Variants in SIMC1 observed in about 807,000 individuals in gnomAD.
SIMC1 encodes SUMO interacting motifs containing 1, also known as SUMO-interacting motif-containing protein 1.
In SIMC1, 55 loss-of-function variants were observed where a neutral mutation model predicts 82.3. The ratio of observed to expected loss-of-function variants is 0.67; its 90% CI spans 0.54 to 0.84. SIMC1 has a LOEUF of 0.84. SIMC1 is among the 40% of genes least tolerant of loss of function. The pLI is 0.00. For missense variants in SIMC1, 915 were observed against 1,107.2 expected, an observed-to-expected ratio of 0.83 and a Z score of 2.46; for synonymous variants, 353 against 426.3, an observed-to-expected ratio of 0.83 and a Z score of 2.12.
intron 1 of SIMC1, among the ~76,000 whole-genome samples, chr5:176,275,525 G>A (rs2113198716): frequency 6.6e-6 from 1 of 151,978 alleles, no homozygotes; most frequent in Non-Finnish European, 1.5e-5. Flanking sequence ...GAGGAGTGGT[G>A]AGAGAGGGCA....
At chr5:176,282,513 G>A (rs1235876117) in intron 1 of SIMC1, among the ~76,000 whole-genome samples, 5 of 152,314 alleles carry the variant, frequency 3.3e-5, no homozygotes, top group Admixed American at 6.5e-5. Context: ...GAAATCACCC[G>A]TCTTCTGCGT....
At chr5:176,317,832 G>T (rs1235839680) in intron 5 of SIMC1, among the ~76,000 whole-genome samples, 1 of 152,130 alleles carries the variant, frequency 6.6e-6, no homozygotes, top group Non-Finnish European at 1.5e-5. Context: ...CCGGTGGAGG[G>T]TGTCTAGGTT....
intron 4 of SIMC1, chr5:176,307,917 T>C: frequency 1.9e-6 from 1 of 532,538 alleles, no homozygotes; most frequent in South Asian, 2.1e-5. Flanking sequence ...TGAAAACCTG[T>C]CAGCCAAAGA....
intron 4 of SIMC1, chr5:176,313,458 A>G (rs571235824): frequency 2.6e-6 from 4 of 1,549,376 alleles, no homozygotes; most frequent in Admixed American, 2.0e-5. Flanking sequence ...AATAATACTT[A>G]AAAAATGGTT....
intron 1 of SIMC1, among the ~76,000 whole-genome samples, chr5:176,255,227 GAGCAA>G (rs1761810641): frequency 6.6e-6 from 1 of 151,294 alleles, no homozygotes; most frequent in Admixed American, 6.6e-5. Flanking sequence ...CTGAGCAACA[GAGCAA>G]GACTCCACCT....
chr5:176,304,095 G>C (rs1291846561), intron 4 of SIMC1, among the ~76,000 whole-genome samples: 2 of 152,194 alleles, frequency 1.3e-5, no homozygotes, highest in African/African-American at 4.8e-5. Flanking sequence ...TCAACAGAGT[G>C]AGCAATAAAA....
intron 5 of SIMC1, among the ~76,000 whole-genome samples, chr5:176,319,109 A>G (rs566826604): frequency 1.8e-4 from 27 of 149,130 alleles, no homozygotes; most frequent in African/African-American, 6.6e-4. Context: ...ACCCTGTCTC[A>G]GGGGGAAAAA....
At chr5:176,271,192 T>A (rs1762410125) in intron 1 of SIMC1, among the ~76,000 whole-genome samples, 1 of 152,134 alleles carries the variant, frequency 6.6e-6, no homozygotes, top group Non-Finnish European at 1.5e-5. Context: ...AAACCCCATC[T>A]CTACTAAAAA....
intron 7 of SIMC1, among the ~76,000 whole-genome samples, chr5:176,333,948 T>C (rs1296911867): frequency 1.3e-5 from 2 of 152,044 alleles, no homozygotes; most frequent in African/African-American, 2.4e-5. Context: ...AAGTCTATTA[T>C]TGGTTTTTTT....
chr5:176,337,208 A>G, intron 9 of SIMC1, 62 bp downstream of exon 9: 4 of 1,290,970 alleles, frequency 3.1e-6, no homozygotes, highest in Non-Finnish European at 4.5e-6. Flanking sequence ...TGTATTAGTC[A>G]TAACTACACA....
At chr5:176,343,128 C>G (rs1056893029) in intron 9 of SIMC1, among the ~76,000 whole-genome samples, 1 of 152,222 alleles carries the variant, frequency 6.6e-6, no homozygotes, top group South Asian at 2.1e-4. Context: ...GCTTTTCCAT[C>G]ATTTTATCTG....
chr5:176,254,818 T>TA (rs1195859783), intron 1 of SIMC1, among the ~76,000 whole-genome samples: 1 of 152,164 alleles, frequency 6.6e-6, no homozygotes, highest in Non-Finnish European at 1.5e-5. Context: ...ATTCTTGCCA[T>TA]AAAAAATAAG....
chr5:176,311,432 G>A (rs1490753856), intron 4 of SIMC1, among the ~76,000 whole-genome samples: 2 of 151,764 alleles, frequency 1.3e-5, no homozygotes, highest in Non-Finnish European at 1.5e-5. Context: ...TTGTAGAGAT[G>A]GGGGTCTCAC....
Position 176,290,166 on chromosome 5 carries a change from C to T in SIMC1, c.642C>T (p.Arg214=). Residue 214 remains arginine (R), a synonymous_variant, in exon 2 of 10, where the codon CGC becomes CGT. Coordinates refer to ENST00000429602, the MANE Select transcript of SIMC1 (RefSeq NM_001308195.2). ...PLPCPQQDVS[R]PPQALPCPLR... ...CATGCCCACAGCAAGATGTATCTCG[C>T]CCACCACAGGCCTTGCCGTGCCCCC... 10 of 1,611,672 alleles carry T rather than the reference C, an allele frequency of 6.2e-6. No homozygotes were observed. The South Asian group carries it at 8.8e-5, about 14-fold the overall frequency.
At position 176,306,017 on chromosome 5, in the gene SIMC1, G is replaced by A. The variant is rs1328312363; in HGVS notation, c.1735-7674G>A. Among the ~76,000 whole-genome samples, 2 of 51,964 alleles carry A rather than the reference G, an allele frequency of 3.8e-5. 1 individual carries two copies. The highest frequency in any genetic ancestry group is 8.3e-5 in the Non-Finnish European group (2 of 24,012). 34.1% of individuals were successfully genotyped at this position (51,964 alleles called of 152,430 possible). ...AGCCCCCCGCCCGGCCAGCCGCCCC[G>A]TCCGGGAGGGAGGTTGGGGGGGGTC... On this transcript the variant is annotated intron_variant, in intron 4 of 9. Transcript: ENST00000429602.
intron 4 of SIMC1, among the ~76,000 whole-genome samples, chr5:176,311,659 A>AG (rs1764669871): frequency 6.6e-6 from 1 of 152,164 alleles, no homozygotes; most frequent in African/African-American, 2.4e-5. Context: ...AAAGGAGGGG[A>AG]GAAAAAAACA....
At chr5:176,300,421 C>G (rs1372018455) in intron 4 of SIMC1, among the ~76,000 whole-genome samples, 1 of 152,182 alleles carries the variant, frequency 6.6e-6, no homozygotes, top group African/African-American at 2.4e-5. Context: ...TGGGCTCAAG[C>G]TGTCCTCCAG....
At chr5:176,336,027 G>T (rs56202706) in intron 7 of SIMC1, among the ~76,000 whole-genome samples, 17,415 of 150,826 alleles carry the variant, frequency 0.12, 1,052 homozygotes, top group Admixed American at 0.15. Context: ...CTGGATGACA[G>T]AGTGAGACCT....
chr5:176,248,001 T>C (rs1018906930), intron 1 of SIMC1, among the ~76,000 whole-genome samples: 1 of 151,976 alleles, frequency 6.6e-6, no homozygotes, highest in African/African-American at 2.4e-5. Flanking sequence ...CCTGTTTTGG[T>C]TACTGTAGCC....
Sources: gnomAD v4.1 joint callset for allele counts (sites outside exome capture counted in the v4.1 genomes callset) on GRCh38, gnomAD v4.1.1 for gene constraint, MANE v1.5 for transcripts, NCBI Gene and HGNC (gene_info 2026-07-23, HGNC 2026-07-21) for gene names.